The following PCCB variants were observed in gnomAD, a reference collection of about 807,000 sequenced individuals.
PCCB encodes propionyl-CoA carboxylase subunit beta.
Under a neutral mutation model 60.7 loss-of-function variants are expected in PCCB, and 43 were observed. That is an observed-to-expected ratio of 0.71 (90% confidence interval 0.55 to 0.91). The LOEUF (loss-of-function observed/expected upper bound fraction) is 0.91. PCCB is among the 40% of genes least tolerant of loss of function. PCCB has a pLI of 0.00. For synonymous variants in PCCB, 276 were observed against 255.9 expected (o/e 1.08, Z -0.75); for missense variants, 766 against 702.8 (o/e 1.09, Z -1.02).
intron 10 of PCCB, among the ~76,000 whole-genome samples, chr3:136,322,997 A>C (rs1935160726): frequency 1.7e-5 from 1 of 59,298 alleles, no homozygotes; most frequent in South Asian, 7.6e-4. Flanking sequence ...GTAAATGATG[A>C]GTTTTTTTTT....
At chr3:136,293,112 C>T (rs1274580121) in intron 6 of PCCB, among the ~76,000 whole-genome samples, 1 of 152,088 alleles carries the variant, frequency 6.6e-6, no homozygotes, top group Non-Finnish European at 1.5e-5. Context: ...AGTGATTGTC[C>T]CGCCTCACTC....
At chr3:136,278,772 G>A (rs1262614877) in intron 5 of PCCB, among the ~76,000 whole-genome samples, 3 of 152,172 alleles carry the variant, frequency 2.0e-5, no homozygotes, top group Admixed American at 6.5e-5. Flanking sequence ...CTCTGTTGTT[G>A]GGTGGAGTGT....
Position 136,317,130 on chromosome 3 carries a change from A to G in PCCB, c.1090+66A>G, listed in dbSNP as rs935140802. The G allele has an allele frequency of 4.2e-5, 65 of 1,536,064 alleles. No homozygotes were observed. In the Middle Eastern group the frequency reaches 6.8e-4, roughly 16 times the overall value. ...GGCCAGGGAAGCCTGGGTCCATGGTATCCTTTCTGTCTTTTGCCTGTTCTT... is the reference window on the plus strand; with the variant it reads ...GGCCAGGGAAGCCTGGGTCCATGGTGTCCTTTCTGTCTTTTGCCTGTTCTT... On this transcript the variant is annotated intron_variant, in intron 10 of 14. Transcript: ENST00000251654.
intron 10 of PCCB, 59 bp from the exon 11 acceptor site, chr3:136,326,742 CAT>C: frequency 8.8e-7 from 1 of 1,139,028 alleles, no homozygotes; most frequent in Non-Finnish European, 1.3e-6. Flanking sequence ...GACAAATCCC[CAT>C]TGTGGATAGA....
chr3:136,305,193 C>G (rs1329596102), intron 9 of PCCB, among the ~76,000 whole-genome samples: 2 of 119,678 alleles, frequency 1.7e-5, no homozygotes, highest in Non-Finnish European at 3.7e-5. Context: ...CTTCCAGGTT[C>G]AGGAGATGCT....
chr3:136,270,706 A>G (rs1283506714), intron 5 of PCCB, among the ~76,000 whole-genome samples: 5 of 152,120 alleles, frequency 3.3e-5, no homozygotes, highest in African/African-American at 7.2e-5. Context: ...GGGTTTCACC[A>G]TATTGGTCAG....
intron 13 of PCCB, 89 bp from the exon 14 acceptor site, chr3:136,328,669 A>G: frequency 9.5e-7 from 1 of 1,055,150 alleles, no homozygotes; most frequent in Non-Finnish European, 1.5e-6. Flanking sequence ...TTACCAAGAA[A>G]TTTGCACCCA....
chr3:136,293,781 GC>G lies in PCCB; in HGVS notation c.683del (p.Pro228LeufsTer4), dbSNP rs2108197244. On this transcript the variant is annotated frameshift_variant, in exon 7 of 15. Transcript: ENST00000251654. LOFTEE classifies it high-confidence loss of function. Reference sequence around the variant, plus strand: ...GACACCTCCTACCTGTTCATCACTGGCCCTGATGTTGTGAAGTCTGTCACCA... The same window carrying G: ...GACACCTCCTACCTGTTCATCACTGGCCTGATGTTGTGAAGTCTGTCACCA... ...VKDTSYLFIT[G>X]PDVVKSVTNE... The G allele has an allele frequency of 1.9e-6, 3 of 1,612,476 alleles. No homozygotes were observed. The highest frequency in any genetic ancestry group is 2.5e-6 in the Non-Finnish European group (3 of 1,178,612).
Position 136,255,907 on chromosome 3 carries a change from T to G in PCCB, c.235T>G (p.Phe79Val). 6.2e-7 allele frequency: 1 copy of G among 1,613,922 alleles called. No individual in the cohort carries two copies. Among genetic ancestry groups the G allele is most frequent in the Non-Finnish European group, 8.5e-7 (1 of 1,179,932 alleles). The change falls in exon 2 of 15, where the codon TTT becomes GTT. Residue 79 changes from phenylalanine (F) to valine (V), a missense_variant. By Grantham distance (50) the Phe-to-Val change is conservative. Coordinates refer to ENST00000251654, the MANE Select transcript of PCCB (RefSeq NM_000532.5). ...RISLLLDPGS[F>V]VESDMFVEHR... The stretch of plus-strand genomic sequence containing the variant: ...CAGTCTCTTGCTGGACCCTGGCAGC[T>G]TTGTTGAGAGCGACATGTTTGTGGA...
intron 9 of PCCB, among the ~76,000 whole-genome samples, chr3:136,312,426 T>A (rs910444109): frequency 1.3e-5 from 2 of 152,224 alleles, no homozygotes; most frequent in Non-Finnish European, 2.9e-5. Context: ...CACCTTCCTA[T>A]AGGCAGTTTG....
chr3:136,320,778 A>G (rs1485661476), intron 10 of PCCB, among the ~76,000 whole-genome samples: 1 of 152,150 alleles, frequency 6.6e-6, no homozygotes, highest in Non-Finnish European at 1.5e-5. Context: ...GCAAATAGAG[A>G]TAGTTTTACT....
chr3:136,284,810 A>G (rs762423864), intron 6 of PCCB, among the ~76,000 whole-genome samples: 56 of 152,130 alleles, frequency 3.7e-4, no homozygotes, highest in Non-Finnish European at 4.3e-4. Context: ...AAGATGGGCC[A>G]TACACAGTGT....
intron 5 of PCCB, among the ~76,000 whole-genome samples, chr3:136,282,627 C>G (rs1225138285): frequency 6.6e-6 from 1 of 152,084 alleles, no homozygotes; most frequent in East Asian, 1.9e-4. Flanking sequence ...ATGTAATACT[C>G]AAAACAGTGT....
intron 9 of PCCB, among the ~76,000 whole-genome samples, chr3:136,315,634 C>T (rs1934860482): frequency 6.6e-6 from 1 of 151,104 alleles, no homozygotes; most frequent in South Asian, 2.1e-4. Context: ...AGTTTGAGAC[C>T]AGCCTGCGCA....
At chr3:136,301,669 C>T (rs1241892423) in intron 9 of PCCB, among the ~76,000 whole-genome samples, 2 of 152,082 alleles carry the variant, frequency 1.3e-5, no homozygotes, top group Non-Finnish European at 2.9e-5. Context: ...TAAGGGTACA[C>T]TGTGCTCTCG....
In PCCB at chr3:136,306,896, G is replaced by A. The variant is rs984687355; in HGVS notation, c.966+5785G>A. On this transcript the variant is annotated intron_variant, in intron 9 of 14. Coordinates refer to ENST00000251654, the MANE Select transcript of PCCB (RefSeq NM_000532.5). ...TTTATATAATGAAAGAGCACACTGA[G>A]CACGTGGGAAAATTGACCCAGAATT... Among the ~76,000 whole-genome samples the A allele has an allele frequency of 4.1e-5, 5 of 122,768 alleles. 1 individual carries two copies. The highest frequency in any genetic ancestry group is 9.1e-5 in the Non-Finnish European group (5 of 55,024). The allele number at this position is 122,768 out of a possible 152,430, so 80.5% of individuals were successfully genotyped here.
At chr3:136,295,583 A>C (rs1292396980) in intron 7 of PCCB, among the ~76,000 whole-genome samples, 1 of 152,234 alleles carries the variant, frequency 6.6e-6, no homozygotes, top group Non-Finnish European at 1.5e-5. Flanking sequence ...TATAATATAA[A>C]GCTGGGTCTT....
chr3:136,309,858 C>A (rs1173392806), intron 9 of PCCB, among the ~76,000 whole-genome samples: 1 of 151,500 alleles, frequency 6.6e-6, no homozygotes, highest in African/African-American at 2.4e-5. Flanking sequence ...TTGGAAAACA[C>A]AGTTTAACAG....
At chr3:136,307,642 G>A (rs112278391) in intron 9 of PCCB, among the ~76,000 whole-genome samples, 1,892 of 151,818 alleles carry the variant, frequency 0.012, 30 homozygotes, top group East Asian at 0.046. Flanking sequence ...AAAAAAAAAG[G>A]TAAAAGACAA....
Sources: allele counts gnomAD v4.1 joint callset (sites outside exome capture counted in the v4.1 genomes callset), GRCh38; gene constraint gnomAD v4.1.1; transcripts MANE v1.5; gene names NCBI Gene and HGNC (gene_info 2026-07-23, HGNC 2026-07-21).